SDK1: variants seen among roughly 807,000 people sequenced by gnomAD.
The protein encoded by SDK1 is protein sidekick-1.
SDK1 carries 157 observed loss-of-function variants against 245.5 expected under a neutral mutation model. The ratio of observed to expected loss-of-function variants is 0.64; its 90% CI spans 0.56 to 0.73. The LOEUF (loss-of-function observed/expected upper bound fraction) is 0.73, where lower values mean the gene tolerates loss of function less well. SDK1 is among the 30% of genes least tolerant of loss of function. The pLI, the probability that SDK1 is intolerant of heterozygous loss-of-function variation, is 0.00. For synonymous variants in SDK1, 1,647 were observed against 1,278.5 expected (o/e 1.29, Z -6.15); for missense variants, 3,583 against 3,002.3 (o/e 1.19, Z -4.52).
intron 1 of SDK1, among the ~76,000 whole-genome samples, chr7:3,406,658 T>G (rs1321281752): frequency 2.6e-5 from 4 of 152,034 alleles, no homozygotes; most frequent in African/African-American, 9.7e-5. Flanking sequence ...TAAACCAACC[T>G]CCTAGTTTTT....
intron 2 of SDK1, among the ~76,000 whole-genome samples, chr7:3,636,842 A>G (rs1439176344): frequency 1.3e-5 from 2 of 152,168 alleles, no homozygotes; most frequent in Non-Finnish European, 2.9e-5. Context: ...GTTGTCAGCA[A>G]CATGTGTTTT....
intron 1 of SDK1, among the ~76,000 whole-genome samples, chr7:3,615,171 C>T (rs1451694251): frequency 6.6e-6 from 1 of 151,526 alleles, no homozygotes; most frequent in Non-Finnish European, 1.5e-5. Context: ...GACACTGGAA[C>T]CATATGAAGT....
intron 20 of SDK1, among the ~76,000 whole-genome samples, chr7:4,076,631 C>T (rs1038321007): frequency 6.6e-6 from 1 of 152,216 alleles, no homozygotes; most frequent in African/African-American, 2.4e-5. Flanking sequence ...CATAATTTGA[C>T]AAGAGAAGGT....
chr7:4,182,674 G>T (rs777176646), intron 35 of SDK1, among the ~76,000 whole-genome samples: 3 of 152,202 alleles, frequency 2.0e-5, no homozygotes, highest in Non-Finnish European at 4.4e-5. Context: ...AGATAACACA[G>T]TCACCATCTG....
chr7:4,090,159 T>A (rs1010083671), intron 22 of SDK1, among the ~76,000 whole-genome samples: 5 of 152,190 alleles, frequency 3.3e-5, no homozygotes, highest in Non-Finnish European at 5.9e-5. Context: ...CTAACTTGAC[T>A]GAGATTTCTC....
chr7:3,886,005 A>G (rs1011267646), intron 5 of SDK1, among the ~76,000 whole-genome samples: 1 of 152,020 alleles, frequency 6.6e-6, no homozygotes. Context: ...TTTATCGAGG[A>G]GGTGATCCTA....
chr7:3,956,091 C>T (rs771738481), intron 7 of SDK1, among the ~76,000 whole-genome samples: 1 of 152,164 alleles, frequency 6.6e-6, no homozygotes, highest in African/African-American at 2.4e-5. Context: ...GTTTCCATCC[C>T]CTGTTTTGTT....
chr7:3,990,803 C>T (rs750291), intron 14 of SDK1, among the ~76,000 whole-genome samples: 49,279 of 152,182 alleles, frequency 0.32, 8,082 homozygotes, highest in South Asian at 0.37. Flanking sequence ...CAGAGGCATT[C>T]TACCTTCCCC....
At chr7:3,305,825 C>G (rs1350983485) in intron 1 of SDK1, among the ~76,000 whole-genome samples, 1 of 152,126 alleles carries the variant, frequency 6.6e-6, no homozygotes, top group Non-Finnish European at 1.5e-5. Flanking sequence ...TGTAGCTGTC[C>G]TTTATTGAAC....
intron 13 of SDK1, among the ~76,000 whole-genome samples, chr7:3,979,751 C>T (rs1783249825): frequency 6.6e-6 from 1 of 152,166 alleles, no homozygotes; most frequent in Non-Finnish European, 1.5e-5. Context: ...GGGACAGGAG[C>T]CAGTTTCCAG....
rs1308692597 is a variant in SDK1, at chr7:3,949,937, C to G, written c.848-986C>G. Among the ~76,000 whole-genome samples, 3 of 152,214 alleles carry G rather than the reference C, an allele frequency of 2.0e-5. No individual in the cohort carries two copies. The East Asian group carries it at 5.8e-4, about 29-fold the overall frequency. ...CATATTTGGACAGGAGTAAGAATGC[C>G]CACTGCTTTCCAGTGACACCCATGC... On this transcript the variant is annotated intron_variant, in intron 5 of 44. Transcript: ENST00000404826.
chr7:3,860,045 G>A (rs1469837692), intron 5 of SDK1, among the ~76,000 whole-genome samples: 2 of 151,444 alleles, frequency 1.3e-5, no homozygotes, highest in African/African-American at 4.9e-5. Flanking sequence ...TCAGCCTCCC[G>A]AGTAGCTGGG....
chr7:4,247,832 C>G (rs999745397), intron 44 of SDK1, among the ~76,000 whole-genome samples: 1 of 152,126 alleles, frequency 6.6e-6, no homozygotes, highest in Non-Finnish European at 1.5e-5. Flanking sequence ...GCTGTTGAAG[C>G]TGACACCCAG....
rs1240017364 is a variant in SDK1, at chr7:4,074,886, GTA to G, written c.3011-2082_3011-2081del. Among the ~76,000 whole-genome samples the G allele has an allele frequency of 1.2e-3, 56 of 48,096 alleles. 1 individual carries two copies. The highest frequency in any genetic ancestry group is 3.8e-3 in the African/African-American group (24 of 6,332). 31.6% of individuals were successfully genotyped at this position (48,096 alleles called of 152,430 possible). On this transcript the variant is annotated intron_variant, in intron 20 of 44. Coordinates refer to ENST00000404826, the MANE Select transcript of SDK1 (RefSeq NM_152744.4). The stretch of plus-strand genomic sequence containing the variant: ...TCTCTCTCTCTCTCTCTCTCTCTCT[GTA>G]TATATATATATATATATATATATAT...
chr7:3,836,737 A>G (rs1314836781), intron 5 of SDK1, among the ~76,000 whole-genome samples: 4 of 152,196 alleles, frequency 2.6e-5, no homozygotes, highest in Admixed American at 1.3e-4. Context: ...AAATTCCACA[A>G]TGAGTATTTT....
intron 1 of SDK1, among the ~76,000 whole-genome samples, chr7:3,362,188 C>T (rs1780971242): frequency 6.6e-6 from 1 of 152,064 alleles, no homozygotes; most frequent in Admixed American, 6.6e-5. Context: ...CTGGGAGAAC[C>T]CTATATATCC....
chr7:4,150,701 G>T (rs1780306338), intron 30 of SDK1, among the ~76,000 whole-genome samples: 1 of 152,242 alleles, frequency 6.6e-6, no homozygotes, highest in Admixed American at 6.5e-5. Flanking sequence ...CACCACCCTG[G>T]CCCCACTCTG....
At chr7:3,578,233 G>A (rs537598427) in intron 1 of SDK1, among the ~76,000 whole-genome samples, 12 of 152,056 alleles carry the variant, frequency 7.9e-5, no homozygotes, top group East Asian at 1.9e-4. Flanking sequence ...CACCTGAGCC[G>A]CAAAACCAGC....
At chr7:3,968,185 C>T (rs923977821) in intron 10 of SDK1, among the ~76,000 whole-genome samples, 1 of 152,290 alleles carries the variant, frequency 6.6e-6, no homozygotes, top group Non-Finnish European at 1.5e-5. Context: ...AAGATGCTTC[C>T]AGGGCCACAT....
Sources: allele counts gnomAD v4.1 joint callset (sites outside exome capture counted in the v4.1 genomes callset), GRCh38; gene constraint gnomAD v4.1.1; transcripts MANE v1.5; gene names NCBI Gene and HGNC (gene_info 2026-07-23, HGNC 2026-07-21).